Variants in LPA observed in about 807,000 individuals in gnomAD.
The protein encoded by LPA is apolipoprotein(a).
A neutral mutation model predicts 197.9 loss-of-function variants in LPA; 199 were observed. The ratio of observed to expected loss-of-function variants is 1.01; its 90% CI spans 0.90 to 1.13. LPA has a LOEUF of 1.13. Ranked by LOEUF, LPA falls within the 50% of genes most tolerant of loss-of-function variation. The pLI is 0.00. For synonymous variants in LPA, 715 were observed against 639.5 expected, an observed-to-expected ratio of 1.12 and a Z score of -1.78; for missense variants, 1,853 against 1,785.8, an observed-to-expected ratio of 1.04 and a Z score of -0.68.
intron 16 of LPA, among the ~76,000 whole-genome samples, chr6:160,610,069 T>C (rs187589403): frequency 6.6e-6 from 1 of 152,314 alleles, no homozygotes; most frequent in East Asian, 1.9e-4. Context: ...ATCATACTGA[T>C]ATGTCAAATT....
chr6:160,555,436 CAT>C (rs770158265), intron 30 of LPA, among the ~76,000 whole-genome samples: 132 of 121,918 alleles, frequency 1.1e-3, no homozygotes, highest in East Asian at 5.2e-3. Context: ...TTCCCTAGAA[CAT>C]ATATATATAT....
chr6:160,578,456 C>T (rs1431865540), intron 27 of LPA, 67 bp downstream of exon 27: 2 of 1,587,420 alleles, frequency 1.3e-6, no homozygotes, highest in Non-Finnish European at 1.7e-6. Flanking sequence ...CTGAAGGCTT[C>T]TGCATCAGTA....
At chr6:160,595,284 T>A (rs774966954) in intron 21 of LPA, 70 bp downstream of exon 21, 2 of 1,573,978 alleles carry the variant, frequency 1.3e-6, no homozygotes, top group Non-Finnish European at 1.7e-6. Flanking sequence ...GGCTTCTATA[T>A]CACTAAGATT....
At chr6:160,567,407 C>G (rs1268038557) in intron 28 of LPA, among the ~76,000 whole-genome samples, 2 of 152,072 alleles carry the variant, frequency 1.3e-5, no homozygotes, top group Non-Finnish European at 2.9e-5. Flanking sequence ...GGGTATGTAA[C>G]GAAATGAAGG....
intron 37 of LPA, 21 bp from the exon 38 acceptor site, chr6:160,532,670 G>C: frequency 6.7e-7 from 1 of 1,503,004 alleles, no homozygotes; most frequent in South Asian, 1.1e-5. Flanking sequence ...AAAGATGAAA[G>C]AAATGGTTAC....
chr6:160,568,495 T>G (rs2115021987), intron 28 of LPA, among the ~76,000 whole-genome samples: 1 of 152,256 alleles, frequency 6.6e-6, no homozygotes, highest in South Asian at 2.1e-4. Flanking sequence ...CTCAAAATAA[T>G]AAGAGCTATT....
chr6:160,555,238 A>AATTATATTATATTAT (rs533211549), intron 30 of LPA, among the ~76,000 whole-genome samples: 2,742 of 119,882 alleles, frequency 0.023, 53 homozygotes, highest in African/African-American at 0.031. Flanking sequence ...TATATATATT[A>AATTATATTATATTAT]ATTATATTAT....
chr6:160,599,526 A>T lies in LPA; in HGVS notation c.3261T>A (p.Ser1087Arg), dbSNP rs1468149610. Residue 1087 changes from serine (S) to arginine (R), a missense_variant, in exon 20 of 39, where the codon AGT (serine) becomes AGA (arginine). Transcript: ENST00000316300. ...AWSSMTPHQHSRTPENYPNAG... is the reference protein window; with the variant it reads ...AWSSMTPHQHRRTPENYPNAG... Reference sequence around the variant, plus strand: ...CATTTGGGTAGTTTTCTGGGGTCCGACTATGCTGGTGTGGTGTCATAGATG... The same window carrying T: ...CATTTGGGTAGTTTTCTGGGGTCCGTCTATGCTGGTGTGGTGTCATAGATG... 6.2e-7 allele frequency: 1 copy of T among 1,614,018 alleles called. No individual in the cohort carries two copies. Among genetic ancestry groups the T allele is most frequent in the Non-Finnish European group, 8.5e-7 (1 of 1,179,950 alleles).
At chr6:160,608,819 T>TTGTGTG (rs10526739) in intron 16 of LPA, among the ~76,000 whole-genome samples, 7,875 of 149,402 alleles carry the variant, frequency 0.053, 319 homozygotes, top group African/African-American at 0.11. Flanking sequence ...TTCTTGAGGG[T>TTGTGTG]TGTGTGTGTG....
intron 1 of LPA, among the ~76,000 whole-genome samples, chr6:160,659,625 G>T: frequency 6.6e-6 from 1 of 152,324 alleles, no homozygotes; most frequent in Admixed American, 6.5e-5. Flanking sequence ...CGGTGGTACT[G>T]CTGCAGCTGA....
intron 33 of LPA, among the ~76,000 whole-genome samples, chr6:160,544,570 C>T (rs1403675273): frequency 6.6e-6 from 1 of 152,132 alleles, no homozygotes; most frequent in African/African-American, 2.4e-5. Context: ...GTACCACCTC[C>T]CCAGGCAATC....
intron 28 of LPA, among the ~76,000 whole-genome samples, chr6:160,559,922 T>C (rs1778333355): frequency 6.6e-6 from 1 of 152,244 alleles, no homozygotes; most frequent in African/African-American, 2.4e-5. Flanking sequence ...GTATTTCTCC[T>C]AATCCAATCC....
chr6:160,556,179 T>C lies in LPA; in HGVS notation c.4819A>G (p.Thr1607Ala). The C allele has an allele frequency of 6.2e-7, 1 of 1,613,752 alleles. No individual in the cohort carries two copies. Among genetic ancestry groups the C allele is most frequent in the South Asian group, 1.1e-5 (1 of 91,074 alleles). Residue 1607 changes from threonine to alanine, a missense_variant, in exon 30 of 39, where the codon ACT (threonine) becomes GCT (alanine). By Grantham distance (58) the Thr-to-Ala change is moderately conservative. Around this residue, in one of 3 missense-constraint regions of LPA, gnomAD observed 1,737 missense variants for 1,504.4 expected, o/e 1.15. Coordinates refer to ENST00000316300, the MANE Select transcript of LPA (RefSeq NM_005577.4). ...TGCCGGACCACAGGGGTTTGCTCAG[T>C]TGGTGCTGAAAATAGACAAAATCAA... ...SMEAHSEAAP[T>A]EQTPVVRQCY...
At chr6:160,540,947 G>A (rs1777971962) in intron 35 of LPA, among the ~76,000 whole-genome samples, 160 bp downstream of exon 35, 1 of 151,982 alleles carries the variant, frequency 6.6e-6, no homozygotes, top group Non-Finnish European at 1.5e-5. Flanking sequence ...TCTGCCTCAG[G>A]ATTCTGCATG....
At chr6:160,542,872 T>A in intron 33 of LPA, 64 bp from the exon 34 acceptor site, 1 of 1,608,434 alleles carries the variant, frequency 6.2e-7, no homozygotes, top group Middle Eastern at 1.7e-4. Context: ...GTCGTTTAAT[T>A]CAGGACGAAT....
At position 160,577,106 on chromosome 6, in the gene LPA, C is replaced by T. The variant is rs766412953; in HGVS notation, c.4631+30G>A. On this transcript the variant is annotated intron_variant, in intron 28 of 38. Coordinates refer to ENST00000316300, the MANE Select transcript of LPA (RefSeq NM_005577.4). ...TAACCAATATTTGAGTTGGCTGTTG[C>T]TCCTCTTATGGTTTTAATCAAATAC... is the stretch of plus-strand genomic sequence containing the variant. The T allele has an allele frequency of 4.6e-5, 74 of 1,611,252 alleles. 1 individual carries two copies. Among genetic ancestry groups the T allele is most frequent in the Non-Finnish European group, 4.9e-5 (58 of 1,178,860 alleles).
At chr6:160,596,785 G>T (rs1323474329) in intron 20 of LPA, among the ~76,000 whole-genome samples, 1 of 152,122 alleles carries the variant, frequency 6.6e-6, no homozygotes, top group African/African-American at 2.4e-5. Flanking sequence ...TTGAAATCTT[G>T]ATTATTACAT....
At chr6:160,586,377 C>T in intron 25 of LPA, 72 bp downstream of exon 25, 1 of 1,561,980 alleles carries the variant, frequency 6.4e-7, no homozygotes, top group Non-Finnish European at 8.8e-7. Context: ...AAGTTTTCTG[C>T]ATCACAAAGA....
chr6:160,608,904 T>C (rs1369417040), intron 16 of LPA, among the ~76,000 whole-genome samples: 2 of 151,712 alleles, frequency 1.3e-5, no homozygotes, highest in Non-Finnish European at 2.9e-5. Context: ...ATGTGTGTAG[T>C]TGGTTCTGTA....
Sources: allele counts gnomAD v4.1 joint callset (sites outside exome capture counted in the v4.1 genomes callset), GRCh38; gene constraint gnomAD v4.1.1; regional missense constraint gnomAD v4.1.1; transcripts MANE v1.5; gene names NCBI Gene and HGNC (gene_info 2026-07-23, HGNC 2026-07-21).